Variants in PCP4L1 observed in about 807,000 individuals in gnomAD.
The protein encoded by PCP4L1 is Purkinje cell protein 4-like protein 1.
A neutral mutation model predicts 9.6 loss-of-function variants in PCP4L1; 9 were observed. The ratio of observed to expected loss-of-function variants is 0.94; its 90% confidence interval spans 0.57 to 1.64. The LOEUF is 1.64. Ranked by LOEUF, PCP4L1 falls within the 40% of genes most tolerant of loss-of-function variation. The pLI is 0.00. For missense variants in PCP4L1, 81 were observed against 80.8 expected, an observed-to-expected ratio of 1.00 and a Z score of -0.01; for synonymous variants, 31 against 28.2, an observed-to-expected ratio of 1.10 and a Z score of -0.31.
chr1:161,280,160 CCCT>C (rs1669770280), intron 1 of PCP4L1, among the ~76,000 whole-genome samples: 1 of 152,282 alleles, frequency 6.6e-6, no homozygotes. Context: ...AATACCTCTT[CCCT>C]CCTCCTCTTG....
intron 1 of PCP4L1, among the ~76,000 whole-genome samples, chr1:161,269,256 G>A (rs1402957585): frequency 2.0e-5 from 3 of 152,054 alleles, no homozygotes; most frequent in African/African-American, 7.2e-5. Context: ...TGAGGGTGGG[G>A]AAGGGGGGGT....
rs762268344 is a variant in PCP4L1, at chr1:161,258,782, G to C, written c.-193G>C. 3.4e-5 allele frequency: 30 copies of C among 875,384 alleles called. No homozygotes were observed. Among genetic ancestry groups the C allele is most frequent in the Middle Eastern group, 2.4e-4 (1 of 4,114 alleles). The allele number at this position is 875,384 out of a possible 1,614,324, so 54.2% of individuals were successfully genotyped here. The stretch of plus-strand genomic sequence containing the variant: ...CAGGACGGGTCGCAGGGGGTCGCCT[G>C]GCCGGAGCTGGGCTCCGAGAATCCC... On this transcript the variant is annotated 5_prime_UTR_variant, in exon 1 of 3. Transcript: ENST00000504449.
At chr1:161,264,209 A>T (rs1307198095) in intron 1 of PCP4L1, among the ~76,000 whole-genome samples, 2 of 151,712 alleles carry the variant, frequency 1.3e-5, no homozygotes, top group Non-Finnish European at 2.9e-5. Flanking sequence ...CACCATGCCT[A>T]GCCTCAAGTA....
chr1:161,270,890 A>G (rs1473087642), intron 1 of PCP4L1, among the ~76,000 whole-genome samples: 2 of 151,326 alleles, frequency 1.3e-5, no homozygotes. Context: ...AAAAAAAAAA[A>G]AGAGACCCCA....
Position 161,284,738 on chromosome 1 carries a change from T to C in PCP4L1, c.*257T>C. 1 of 503,994 alleles carries C rather than the reference T, an allele frequency of 2.0e-6. No individual in the cohort carries two copies. 31.2% of individuals were successfully genotyped at this position (503,994 alleles called of 1,614,324 possible). A position where few individuals can be genotyped will look rare whatever the true frequency, so the allele number is the denominator to read the frequency against. On this transcript the variant is annotated 3_prime_UTR_variant, in exon 3 of 3. Transcript: ENST00000504449. ...TCTTGGTATAAGGTTCTTTGATCAGTAGCTATGCCTGCCCTGTAGGGCTAA... is the reference window on the plus strand; with the variant it reads ...TCTTGGTATAAGGTTCTTTGATCAGCAGCTATGCCTGCCCTGTAGGGCTAA...
chr1:161,263,935 A>T (rs575353532), intron 1 of PCP4L1, among the ~76,000 whole-genome samples: 1 of 99,234 alleles, frequency 1.0e-5, no homozygotes, highest in South Asian at 3.6e-4. Context: ...TTTGAGATGG[A>T]GTCTCACTCT....
At position 161,275,488 on chromosome 1, in the gene PCP4L1, T is replaced by TCTGGGCGA. The variant is rs1669683494; in HGVS notation, c.10-8178_10-8171dup. Among the ~76,000 whole-genome samples the TCTGGGCGA allele has an allele frequency of 2.2e-5, 3 of 138,850 alleles. No homozygotes were observed. In the South Asian group the frequency reaches 6.7e-4, roughly 31 times the overall value. The allele number at this position is 138,850 out of a possible 152,430, so 91.1% of individuals were successfully genotyped here. A position where few individuals can be genotyped will look rare whatever the true frequency, so the allele number is the denominator to read the frequency against. On this transcript the variant is annotated intron_variant, in intron 1 of 2. Transcript: ENST00000504449. ...CCGAGATCGCGCCACTGCACTCTAG[T>TCTGGGCGA]CTGGGCGACAGAGCAAGACTCCGTC... is the stretch of plus-strand genomic sequence containing the variant.
At chr1:161,283,252 T>A (rs1669853719) in intron 1 of PCP4L1, among the ~76,000 whole-genome samples, 1 of 152,212 alleles carries the variant, frequency 6.6e-6, no homozygotes, top group Non-Finnish European at 1.5e-5. Flanking sequence ...AGCTATTTGG[T>A]CAAATGCTGC....
chr1:161,263,678 C>T (rs1279751980), intron 1 of PCP4L1, among the ~76,000 whole-genome samples: 1 of 150,678 alleles, frequency 6.6e-6, no homozygotes, highest in Non-Finnish European at 1.5e-5. Flanking sequence ...AGCTCCTGGA[C>T]TTAAGCAATC....
chr1:161,262,667 A>G (rs1336010835), intron 1 of PCP4L1, among the ~76,000 whole-genome samples: 1 of 152,122 alleles, frequency 6.6e-6, no homozygotes, highest in Admixed American at 6.5e-5. Flanking sequence ...TAGCTCTGAG[A>G]ATGTCATCTT....
At chr1:161,267,353 G>A (rs1669547802) in intron 1 of PCP4L1, among the ~76,000 whole-genome samples, 1 of 152,186 alleles carries the variant, frequency 6.6e-6, no homozygotes, top group African/African-American at 2.4e-5. Context: ...GGTATGATGA[G>A]GTGATCCTTG....
chr1:161,275,837 C>T (rs1398639725), intron 1 of PCP4L1, among the ~76,000 whole-genome samples: 1 of 150,076 alleles, frequency 6.7e-6, no homozygotes, highest in Non-Finnish European at 1.5e-5. Flanking sequence ...GCTCTGTCAC[C>T]CAGGTTGGAG....
intron 1 of PCP4L1, among the ~76,000 whole-genome samples, chr1:161,283,246 A>G (rs138009950): frequency 0.015 from 2,223 of 152,252 alleles, 41 homozygotes; most frequent in South Asian, 0.06. Flanking sequence ...TCCTTCAGCT[A>G]TTTGGTCAAA....
chr1:161,282,983 T>G (rs1256805140), intron 1 of PCP4L1, among the ~76,000 whole-genome samples: 1 of 152,186 alleles, frequency 6.6e-6, no homozygotes, highest in Non-Finnish European at 1.5e-5. Flanking sequence ...TTCCCTTTTA[T>G]GCAAATCAGA....
chr1:161,266,295 A>G (rs1669529482), intron 1 of PCP4L1, among the ~76,000 whole-genome samples: 1 of 152,162 alleles, frequency 6.6e-6, no homozygotes, highest in Non-Finnish European at 1.5e-5. Context: ...GGGGATTAAT[A>G]CGTTTATTTT....
chr1:161,281,266 C>T (rs2102241850), intron 1 of PCP4L1, among the ~76,000 whole-genome samples: 1 of 152,240 alleles, frequency 6.6e-6, no homozygotes, highest in Admixed American at 6.5e-5. Context: ...CAGCAACCAT[C>T]CGATTTCTCA....
At chr1:161,269,636 T>C (rs1669589163) in intron 1 of PCP4L1, among the ~76,000 whole-genome samples, 1 of 152,144 alleles carries the variant, frequency 6.6e-6, no homozygotes. Flanking sequence ...GGAAGGAACA[T>C]AGTATGTTCC....
Position 161,258,996 on chromosome 1 carries a change from G to GC in PCP4L1, c.9+18dup, listed in dbSNP as rs951143364. 3.3e-6 allele frequency: 5 copies of GC among 1,531,262 alleles called. No individual in the cohort carries two copies. The African/African-American group carries it at 6.9e-5, about 21-fold the overall frequency. The allele number at this position is 1,531,262 out of a possible 1,614,324, so 94.9% of individuals were successfully genotyped here. A position where few individuals can be genotyped will look rare whatever the true frequency, so the allele number is the denominator to read the frequency against. On this transcript the variant is annotated intron_variant, in intron 1 of 2. Transcript: ENST00000504449. ...GGAGATGAGCGAGGTGAGCGGTGCG[G>GC]CCCCCGGCGCTGTCGGCAGGGCTGC...
At chr1:161,281,535 G>T (rs1208612888) in intron 1 of PCP4L1, among the ~76,000 whole-genome samples, 1 of 150,990 alleles carries the variant, frequency 6.6e-6, no homozygotes, top group Non-Finnish European at 1.5e-5. Flanking sequence ...CCTCCCTCCC[G>T]GACGGGGCAG....
Sources: allele counts gnomAD v4.1 joint callset (sites outside exome capture counted in the v4.1 genomes callset), GRCh38; gene constraint gnomAD v4.1.1; transcripts MANE v1.5; gene names NCBI Gene and HGNC (gene_info 2026-07-23, HGNC 2026-07-21).